Variants in SPAG17 observed in about 807,000 individuals in gnomAD.
SPAG17 encodes sperm associated antigen 17.
SPAG17 carries 169 observed loss-of-function variants against 273.6 expected under a neutral mutation model. That is an observed-to-expected ratio of 0.62 (90% CI 0.55 to 0.70). The LOEUF is 0.70. Ranked by LOEUF, SPAG17 falls within the 30% of genes least tolerant of loss-of-function variation. The pLI, the probability that SPAG17 is intolerant of heterozygous loss-of-function variation, is 0.00. For synonymous variants in SPAG17, 825 were observed against 873.2 expected (o/e 0.94, Z 0.97); for missense variants, 2,557 against 2,627.8 (o/e 0.97, Z 0.59).
intron 18 of SPAG17, among the ~76,000 whole-genome samples, chr1:118,066,213 T>A (rs953036602): frequency 6.6e-6 from 1 of 151,754 alleles, no homozygotes; most frequent in African/African-American, 2.4e-5. Context: ...CAGTGAAATA[T>A]CATCATACTT....
At chr1:118,003,937 C>T (rs1658586667) in intron 32 of SPAG17, among the ~76,000 whole-genome samples, 2 of 152,176 alleles carry the variant, frequency 1.3e-5, no homozygotes, top group Non-Finnish European at 1.5e-5. Flanking sequence ...GGTTTCTCCC[C>T]ACCTTTGTCG....
chr1:118,010,873 G>A (rs10923469), intron 30 of SPAG17, among the ~76,000 whole-genome samples: 9,978 of 152,034 alleles, frequency 0.066, 529 homozygotes, highest in East Asian at 0.31. Context: ...AAACAAATTA[G>A]CAAGCAAAAA....
rs140679765 is a variant in SPAG17, at chr1:118,099,641, A to G, written c.794T>C (p.Val265Ala). Residue 265 changes from valine (V) to alanine (A), a missense_variant, in exon 6 of 49, where the codon GTT becomes GCT. Transcript: ENST00000336338. Reference sequence around the variant, plus strand: ...AAGAAGAACTTCCTGCTGCTGGTTAACTGCTGCCAGGTGTGTCTGCAGAGG... The same window carrying G: ...AAGAAGAACTTCCTGCTGCTGGTTAGCTGCTGCCAGGTGTGTCTGCAGAGG... Reference protein sequence around the residue: ...YEPLQTHLAAVNQQQEVLLQS... With the variant: ...YEPLQTHLAAANQQQEVLLQS... The G allele has an allele frequency of 1.9e-5, 31 of 1,613,950 alleles. No individual in the cohort carries two copies. The African/African-American group carries it at 3.5e-4, about 18-fold the overall frequency.
In SPAG17 at chr1:117,997,858, A is replaced by T. The variant is rs1045611502; in HGVS notation, c.4777-1115T>A. On this transcript the variant is annotated intron_variant, in intron 32 of 48. Transcript: ENST00000336338. ...TTGCTTTTTCAAAAACCATTTACGC[A>T]TATATGAAACCATTTTTAGTTCATG... Among the ~76,000 whole-genome samples the T allele has an allele frequency of 2.6e-5, 4 of 152,150 alleles. No homozygotes were observed. In the South Asian group the frequency reaches 8.3e-4, roughly 31 times the overall value.
rs996094355 is a variant in SPAG17 at position 118,036,929 on chromosome 1, T to C, written c.3320-46A>G. The C allele has an allele frequency of 9.1e-6, 12 of 1,319,080 alleles. No homozygotes were observed. The African/African-American group carries it at 1.5e-4, about 16-fold the overall frequency. 81.7% of individuals were successfully genotyped at this position (1,319,080 alleles called of 1,614,324 possible). On this transcript the variant is annotated intron_variant, in intron 23 of 48. Transcript: ENST00000336338. ...AAGAACATTTTCATTTAATTCAAAATAAATATAACTAAGACTCAGTGGGAA... is the reference window on the plus strand; with the variant it reads ...AAGAACATTTTCATTTAATTCAAAACAAATATAACTAAGACTCAGTGGGAA...
rs138071608 is a variant in SPAG17 at position 118,091,655 on chromosome 1, C to T, written c.1310G>A (p.Arg437Gln). 9.0e-5 allele frequency: 145 copies of T among 1,613,014 alleles called. No individual in the cohort carries two copies. Among genetic ancestry groups the T allele is most frequent in the Admixed American group, 1.2e-4 (7 of 59,914 alleles). ...CAGGGGCACAGAAATGAATTCCTCT[C>T]GAATTGGATTCAGCAAATAATTGTA... ...RYYNYLLNPI[R>Q]EEFISVPLIL... is the part of the protein sequence containing the mutation. Residue 437 changes from arginine (R) to glutamine (Q), a missense_variant, in exon 10 of 49, where the codon CGA becomes CAA. By Grantham distance (43) the Arg-to-Gln change is conservative. Transcript: ENST00000336338.
intron 32 of SPAG17, among the ~76,000 whole-genome samples, chr1:117,999,949 G>A (rs915981281): frequency 6.6e-6 from 1 of 152,062 alleles, no homozygotes; most frequent in African/African-American, 2.4e-5. Context: ...GGGTTTTTAT[G>A]GTTTTAGGTC....
chr1:118,047,987 G>A (rs1361913514), intron 20 of SPAG17, among the ~76,000 whole-genome samples: 2 of 152,086 alleles, frequency 1.3e-5, no homozygotes, highest in Non-Finnish European at 2.9e-5. Flanking sequence ...GCTGGTTCCT[G>A]TGAACCTTGG....
intron 18 of SPAG17, 111 bp downstream of exon 18, chr1:118,066,634 T>C (rs375279393): frequency 1.6e-5 from 13 of 832,102 alleles, no homozygotes; most frequent in Admixed American, 8.0e-5. Flanking sequence ...AATGTTTTCA[T>C]TGAGCTGAAC....
rs139146164 is a variant in SPAG17, at chr1:118,150,613, G to A, written c.245C>T (p.Thr82Ile). The change falls in exon 3 of 49, where the codon ACA becomes ATA. Residue 82 changes from threonine (T) to isoleucine (I), a missense_variant. Coordinates refer to ENST00000336338, the MANE Select transcript of SPAG17 (RefSeq NM_206996.4). ...TTTAGATGAAGCAGATCCAACAAGT[G>A]TATTTATTTCATTAATCTGTAAGAA... ...DILQQINEIN[T>I]LVGSASSKKA... 119 of 1,549,388 alleles carry A rather than the reference G, an allele frequency of 7.7e-5. 1 individual carries two copies. In the Middle Eastern group the frequency reaches 1.7e-3, roughly 22 times the overall value.
Position 117,963,616 on chromosome 1 carries a change from G to A in SPAG17, c.*183C>T, listed in dbSNP as rs990381764. On this transcript the variant is annotated intron_variant, in intron 48 of 48. Coordinates refer to ENST00000336338, the MANE Select transcript of SPAG17 (RefSeq NM_206996.4). ...CCTGACCTTGTGATCCACCCACCTC[G>A]GCCTCCCAAAGTGCTGGGATTACAG... is the stretch of plus-strand genomic sequence containing the variant. 6.7e-5 allele frequency: 28 copies of A among 419,508 alleles called. No individual in the cohort carries two copies. The East Asian group carries it at 8.9e-4, about 13-fold the overall frequency. 26.0% of individuals were successfully genotyped at this position (419,508 alleles called of 1,614,324 possible).
chr1:117,957,894 C>G (rs1652451095), intron 48 of SPAG17, among the ~76,000 whole-genome samples: 1 of 152,062 alleles, frequency 6.6e-6, no homozygotes, highest in East Asian at 1.9e-4. Context: ...TCTACAGGTG[C>G]AAATGGAAAT....
intron 1 of SPAG17, among the ~76,000 whole-genome samples, chr1:118,174,532 AAG>A (rs1660588402): frequency 6.6e-6 from 1 of 152,250 alleles, no homozygotes; most frequent in Non-Finnish European, 1.5e-5. Context: ...CCAGAAAGAT[AAG>A]AGAGAGTGAA....
At chr1:117,984,417 G>C (rs952850507) in intron 41 of SPAG17, among the ~76,000 whole-genome samples, 1 of 152,158 alleles carries the variant, frequency 6.6e-6, no homozygotes, top group African/African-American at 2.4e-5. Context: ...AGATGGGAGA[G>C]GGTAAGTAAT....
intron 48 of SPAG17, chr1:117,961,917 A>T (rs574535529): frequency 2.0e-5 from 3 of 152,336 alleles, no homozygotes; most frequent in African/African-American, 4.8e-5. Context: ...TTGAAAAAAA[A>T]TTTAATTTTT....
Position 117,974,338 on chromosome 1 carries a change from T to C in SPAG17, c.6005-777A>G, listed in dbSNP as rs77808711. ...CTAATACTGGTCCTCACAACAACCGTATAAGGTGGGCAGTACAGATGCTAT... is the reference window on the plus strand; with the variant it reads ...CTAATACTGGTCCTCACAACAACCGCATAAGGTGGGCAGTACAGATGCTAT... On this transcript the variant is annotated intron_variant, in intron 43 of 48. Transcript: ENST00000336338. Among the ~76,000 whole-genome samples, 861 of 152,252 alleles carry C rather than the reference T, an allele frequency of 5.7e-3. 6 individuals are homozygous for C. The highest frequency in any genetic ancestry group is 0.034 in the East Asian group (177 of 5,186).
chr1:118,113,237 G>A (rs955590690), intron 4 of SPAG17, among the ~76,000 whole-genome samples: 5 of 152,122 alleles, frequency 3.3e-5, no homozygotes. Flanking sequence ...TAACCTTGTA[G>A]AAATTTCGGA....
At chr1:118,162,663 C>A (rs920167531) in intron 1 of SPAG17, among the ~76,000 whole-genome samples, 1 of 152,136 alleles carries the variant, frequency 6.6e-6, no homozygotes, top group Non-Finnish European at 1.5e-5. Context: ...TACGTGGGTA[C>A]CTACGTTGCA....
At chr1:117,957,161 T>G in intron 48 of SPAG17, 1 of 1,612,578 alleles carries the variant, frequency 6.2e-7, no homozygotes, top group Non-Finnish European at 8.5e-7. Context: ...GCTCTGATGT[T>G]GAACTTATAT....
Sources: gnomAD v4.1 joint callset for allele counts (sites outside exome capture counted in the v4.1 genomes callset) on GRCh38, gnomAD v4.1.1 for gene constraint, MANE v1.5 for transcripts, NCBI Gene and HGNC (gene_info 2026-07-23, HGNC 2026-07-21) for gene names.